MRPS6: variants seen among roughly 807,000 people sequenced by gnomAD.
MRPS6 encodes small ribosomal subunit protein bS6m.
A neutral mutation model predicts 13.1 loss-of-function variants in MRPS6; 6 were observed. The ratio of observed to expected loss-of-function variants is 0.46; its 90% CI spans 0.25 to 0.91. The LOEUF (loss-of-function observed/expected upper bound fraction) is 0.91. Ranked by LOEUF, MRPS6 falls within the 40% of genes least tolerant of loss-of-function variation. MRPS6 has a pLI of 0.18. For synonymous variants in MRPS6, 61 were observed against 56.5 expected (o/e 1.08, Z -0.36); for missense variants, 164 against 155.6 (o/e 1.05, Z -0.29).
At chr21:34,074,289 C>T (rs1043316455) in intron 1 of MRPS6, among the ~76,000 whole-genome samples, 3 of 152,136 alleles carry the variant, frequency 2.0e-5, no homozygotes, top group Non-Finnish European at 4.4e-5. Context: ...CTTGTTTGTG[C>T]CGTTGTCTGT....
chr21:34,120,583 C>G (rs1980082083), intron 1 of MRPS6, among the ~76,000 whole-genome samples: 1 of 152,020 alleles, frequency 6.6e-6, no homozygotes, highest in Non-Finnish European at 1.5e-5. Context: ...TTAATTTCTT[C>G]TAGGATTAAT....
intron 1 of MRPS6, chr21:34,124,268 T>A: frequency 6.6e-6 from 1 of 152,258 alleles, no homozygotes; most frequent in East Asian, 1.9e-4. Context: ...GTAGTGACAG[T>A]TGCACTCTCT....
chr21:34,080,650 A>G (rs1423743047), intron 1 of MRPS6, among the ~76,000 whole-genome samples: 2 of 152,218 alleles, frequency 1.3e-5, no homozygotes, highest in African/African-American at 2.4e-5. Flanking sequence ...GTCTCCCATC[A>G]CATGGATCAC....
In MRPS6 at chr21:34,104,274, A is replaced by G. The variant is rs567893452; in HGVS notation, c.46-21067A>G. ...TGGAGAGGATTCTTTCACTTGTCCC[A>G]TTAACCCTCTTCTAGTCTAGATGAG... On this transcript the variant is annotated intron_variant, in intron 1 of 2. Transcript: ENST00000399312. The G allele has an allele frequency of 1.5e-4, 151 of 1,000,080 alleles. 1 individual carries two copies. The Middle Eastern group carries it at 1.6e-3, about 10-fold the overall frequency. The allele number at this position is 1,000,080 out of a possible 1,614,324, so 62.0% of individuals were successfully genotyped here.
At chr21:34,138,939 A>G (rs1054398130) in intron 2 of MRPS6, among the ~76,000 whole-genome samples, 29 of 152,092 alleles carry the variant, frequency 1.9e-4, no homozygotes, top group African/African-American at 4.6e-4. Context: ...AACCAACCCA[A>G]ATGTCCAACA....
At chr21:34,126,992 G>A (rs539300034) in intron 2 of MRPS6, among the ~76,000 whole-genome samples, 1 of 152,268 alleles carries the variant, frequency 6.6e-6, no homozygotes, top group Admixed American at 6.5e-5. Context: ...TTTATGGGTG[G>A]AATAAATTCA....
chr21:34,137,127 C>G (rs1408573402), intron 2 of MRPS6, among the ~76,000 whole-genome samples: 1 of 152,138 alleles, frequency 6.6e-6, no homozygotes, highest in East Asian at 1.9e-4. Flanking sequence ...CTTACATTCT[C>G]TATCAGAGTT....
chr21:34,119,761 C>T (rs138439926), intron 1 of MRPS6, among the ~76,000 whole-genome samples: 4 of 152,260 alleles, frequency 2.6e-5, no homozygotes, highest in African/African-American at 7.2e-5. Flanking sequence ...AGTTTCTCTT[C>T]TGGGATGAAA....
At chr21:34,098,195 T>C in intron 1 of MRPS6, 3 of 999,556 alleles carry the variant, frequency 3.0e-6, no homozygotes, top group Non-Finnish European at 3.6e-6. Flanking sequence ...CCCTAAGCAG[T>C]GTTTGATTAA....
In MRPS6 at chr21:34,073,688, C is replaced by G. The variant is rs997707764; in HGVS notation, c.-13C>G. 1.3e-6 allele frequency: 2 copies of G among 1,518,528 alleles called. No individual in the cohort carries two copies. Among genetic ancestry groups the G allele is most frequent in the Non-Finnish European group, 8.9e-7 (1 of 1,125,416 alleles). 94.1% of individuals were successfully genotyped at this position (1,518,528 alleles called of 1,614,324 possible). A position where few individuals can be genotyped will look rare whatever the true frequency, so the allele number is the denominator to read the frequency against. ...CGGCTGGCTTCCGAGCCGCACTCGC[C>G]GATCCTCCAGGCATGCCCCGCTACG... On this transcript the variant is annotated 5_prime_UTR_variant, in exon 1 of 3. Transcript: ENST00000399312.
At chr21:34,095,888 A>G (rs542133142) in intron 1 of MRPS6, 2 of 1,614,132 alleles carry the variant, frequency 1.2e-6, no homozygotes, top group Non-Finnish European at 1.7e-6. Flanking sequence ...TCTTATTGAC[A>G]TACAACCTTT....
At chr21:34,082,158 A>G (rs1602907329) in intron 1 of MRPS6, among the ~76,000 whole-genome samples, 2 of 152,148 alleles carry the variant, frequency 1.3e-5, no homozygotes, top group South Asian at 4.2e-4. Context: ...TAATCTAGAT[A>G]TTCAGATAAT....
intron 1 of MRPS6, among the ~76,000 whole-genome samples, chr21:34,076,926 G>C (rs1989345158): frequency 6.6e-6 from 1 of 152,214 alleles, no homozygotes; most frequent in Non-Finnish European, 1.5e-5. Context: ...AATGTGAAAG[G>C]ACATAGCCGC....
At position 34,096,166 on chromosome 21, in the gene MRPS6, T is replaced by A. The variant is rs1978956108; in HGVS notation, c.45+22421T>A. 1 of 1,614,180 alleles carries A rather than the reference T, an allele frequency of 6.2e-7. No individual in the cohort carries two copies. Among genetic ancestry groups the A allele is most frequent in the Non-Finnish European group, 8.5e-7 (1 of 1,180,000 alleles). ...GTCCCAGGAATGATTTCCAGGATAC[T>A]GTTTACTGATGATATAGCTTGCATC... is the stretch of plus-strand genomic sequence containing the variant. On this transcript the variant is annotated intron_variant, in intron 1 of 2. Transcript: ENST00000399312. This position sits in a 1 kb window ranked among gnomAD's most constrained non-coding sequence, Gnocchi z 5.9.
chr21:34,084,818 C>G (rs1989535066), intron 1 of MRPS6, among the ~76,000 whole-genome samples: 1 of 152,086 alleles, frequency 6.6e-6, no homozygotes, highest in South Asian at 2.1e-4. Flanking sequence ...ATTAATTTCC[C>G]TTGGCTAACA....
chr21:34,128,380 A>G (rs961375949), intron 2 of MRPS6, among the ~76,000 whole-genome samples: 1 of 151,964 alleles, frequency 6.6e-6, no homozygotes, highest in African/African-American at 2.4e-5. Flanking sequence ...CCCCAAATCA[A>G]CCGCCTTATC....
At chr21:34,104,370 C>G (rs1979383378) in intron 1 of MRPS6, 1 of 1,000,036 alleles carries the variant, frequency 1.0e-6, no homozygotes. Flanking sequence ...TTTCCACCTC[C>G]TCACTTCACC....
At chr21:34,080,189 A>T (rs1009597864) in intron 1 of MRPS6, among the ~76,000 whole-genome samples, 9 of 152,226 alleles carry the variant, frequency 5.9e-5, no homozygotes, top group Non-Finnish European at 1.3e-4. Flanking sequence ...AGGTGCACTT[A>T]TAACAAGGAA....
At chr21:34,141,341 G>A (rs1980900598) in intron 2 of MRPS6, among the ~76,000 whole-genome samples, 1 of 152,210 alleles carries the variant, frequency 6.6e-6, no homozygotes, top group South Asian at 2.1e-4. Flanking sequence ...TGGAGAGTGA[G>A]GGGCCTTGGT....
Sources: allele counts gnomAD v4.1 joint callset (sites outside exome capture counted in the v4.1 genomes callset), GRCh38; gene constraint gnomAD v4.1.1; non-coding constraint Gnocchi (gnomAD v3.1); transcripts MANE v1.5; gene names NCBI Gene and HGNC (gene_info 2026-07-23, HGNC 2026-07-21).